Variants in ADARB2 observed in about 807,000 individuals in gnomAD.
ADARB2 encodes adenosine deaminase RNA specific B2 (inactive), also known as inactive double-stranded RNA-specific editase B2.
Under a neutral mutation model 62.2 loss-of-function variants are expected in ADARB2, and 25 were observed. The observed-to-expected ratio is 0.40, with a 90% CI of 0.29 to 0.56. The LOEUF is 0.56. Ranked by LOEUF, ADARB2 falls within the 20% of genes least tolerant of loss-of-function variation. The pLI is 0.43. For missense variants in ADARB2, 1,071 were observed against 1,077.4 expected (o/e 0.99, Z 0.08); for synonymous variants, 572 against 500.8 (o/e 1.14, Z -1.90).
At chr10:1,504,990 G>A (rs1831820255) in intron 1 of ADARB2, among the ~76,000 whole-genome samples, 1 of 150,542 alleles carries the variant, frequency 6.6e-6, no homozygotes, top group African/African-American at 2.5e-5. Flanking sequence ...CACATGCAAT[G>A]CACACACATG....
intron 1 of ADARB2, among the ~76,000 whole-genome samples, chr10:1,716,485 T>G (rs1465049549): frequency 1.3e-5 from 2 of 152,270 alleles, no homozygotes; most frequent in Non-Finnish European, 2.9e-5. Flanking sequence ...CATTTCCTAA[T>G]TTTATTGCAT....
rs190530205 is a variant in ADARB2, at chr10:1,624,105, G to A, written c.100+112946C>T. 5.9e-5 allele frequency among the ~76,000 whole-genome samples: 9 copies of A among 152,114 alleles called. No individual in the cohort carries two copies. The South Asian group carries it at 6.2e-4, about 11-fold the overall frequency. ...AAAAATTAGCCTGGCATGGTGGCAC[G>A]CACCTGTGGTCCCAGCTATTTGGGA... On this transcript the variant is annotated intron_variant, in intron 1 of 9. Transcript: ENST00000381312.
At chr10:1,421,979 C>G (rs543886914) in intron 1 of ADARB2, among the ~76,000 whole-genome samples, 1 of 152,318 alleles carries the variant, frequency 6.6e-6, no homozygotes, top group East Asian at 1.9e-4. Flanking sequence ...CCCCAGGTAC[C>G]TACTCTAGTG....
intron 1 of ADARB2, among the ~76,000 whole-genome samples, chr10:1,464,218 C>T (rs1263046413): frequency 2.3e-5 from 3 of 129,824 alleles, no homozygotes; most frequent in South Asian, 2.7e-4. Flanking sequence ...CCCACACACG[C>T]GCTGGGGACA....
intron 1 of ADARB2, among the ~76,000 whole-genome samples, chr10:1,382,098 C>T (rs1274029199): frequency 6.6e-6 from 1 of 152,080 alleles, no homozygotes; most frequent in Non-Finnish European, 1.5e-5. Flanking sequence ...CATTGTACAC[C>T]TTGAATATAT....
In ADARB2 at chr10:1,263,194, C is replaced by G. The variant is rs182219531; in HGVS notation, c.1192+7761G>C. Among the ~76,000 whole-genome samples the G allele has an allele frequency of 3.7e-4, 56 of 151,908 alleles. No individual in the cohort carries two copies. The East Asian group carries it at 0.01, about 28-fold the overall frequency. ...ATACCTAATGCTAAATGATGAGTTA[C>G]TGGGTGCAGCACACCAACATGGCAC... On this transcript the variant is annotated intron_variant, in intron 4 of 9. Coordinates refer to ENST00000381312, the MANE Select transcript of ADARB2 (RefSeq NM_018702.4).
intron 6 of ADARB2, among the ~76,000 whole-genome samples, chr10:1,228,997 C>T (rs1007254429): frequency 6.6e-6 from 1 of 152,198 alleles, no homozygotes; most frequent in African/African-American, 2.4e-5. Flanking sequence ...ATCAGAATCT[C>T]GGCCAGAGTG....
chr10:1,629,486 C>A (rs111477281), intron 1 of ADARB2, among the ~76,000 whole-genome samples: 2 of 150,432 alleles, frequency 1.3e-5, no homozygotes, highest in African/African-American at 2.5e-5. Context: ...CCCCGCCCTG[C>A]GCCCAACCTC....
intron 1 of ADARB2, among the ~76,000 whole-genome samples, chr10:1,601,467 G>A (rs1426924108): frequency 3.3e-5 from 5 of 152,184 alleles, no homozygotes; most frequent in Non-Finnish European, 7.4e-5. Flanking sequence ...CAATTTTCCT[G>A]TAACAACATG....
At chr10:1,617,946 C>G (rs986515420) in intron 1 of ADARB2, among the ~76,000 whole-genome samples, 10 of 152,258 alleles carry the variant, frequency 6.6e-5, no homozygotes, top group African/African-American at 2.4e-4. Flanking sequence ...TCCCCTCCAA[C>G]TACAGATTTC....
chr10:1,555,567 A>ACCCC (rs1832687738), intron 1 of ADARB2, among the ~76,000 whole-genome samples: 4 of 152,128 alleles, frequency 2.6e-5, no homozygotes, highest in Admixed American at 1.3e-4. Context: ...TGAAGGATGG[A>ACCCC]CCGGGGCTTC....
At chr10:1,664,666 C>T (rs575034165) in intron 1 of ADARB2, among the ~76,000 whole-genome samples, 6 of 152,278 alleles carry the variant, frequency 3.9e-5, no homozygotes, top group African/African-American at 1.4e-4. Context: ...GCACTAGCCT[C>T]CCTCAATTTC....
chr10:1,283,746 GCTCA>G, intron 3 of ADARB2, among the ~76,000 whole-genome samples: 1 of 152,200 alleles, frequency 6.6e-6, no homozygotes, highest in East Asian at 1.9e-4. Flanking sequence ...CCTTCATGTG[GCTCA>G]CTGGACTTGT....
intron 4 of ADARB2, among the ~76,000 whole-genome samples, chr10:1,261,377 TG>T (rs1162303302): frequency 6.8e-6 from 1 of 146,822 alleles, no homozygotes; most frequent in Non-Finnish European, 1.5e-5. Flanking sequence ...ACCTACAAAA[TG>T]GGAGAAAATT....
chr10:1,715,525 A>G (rs56033218), intron 1 of ADARB2, among the ~76,000 whole-genome samples: 1,819 of 152,322 alleles, frequency 0.012, 30 homozygotes, highest in African/African-American at 0.041. Flanking sequence ...AAATGTAGGA[A>G]AGCTTAAGTA....
At chr10:1,213,303 A>G (rs1837185729) in intron 7 of ADARB2, among the ~76,000 whole-genome samples, 1 of 152,144 alleles carries the variant, frequency 6.6e-6, no homozygotes, top group African/African-American at 2.4e-5. Flanking sequence ...AGACAGAGGG[A>G]GAGACATAGA....
intron 1 of ADARB2, among the ~76,000 whole-genome samples, chr10:1,723,000 A>G (rs1033754602): frequency 3.9e-5 from 6 of 152,224 alleles, no homozygotes; most frequent in Non-Finnish European, 8.8e-5. Flanking sequence ...CTATATTCAT[A>G]TTCATGTGTA....
At chr10:1,377,120 T>C (rs1244342867) in intron 2 of ADARB2, among the ~76,000 whole-genome samples, 1 of 130,042 alleles carries the variant, frequency 7.7e-6, no homozygotes, top group Non-Finnish European at 1.6e-5. Flanking sequence ...GATGTGTGTG[T>C]GCGGTGCGTC....
chr10:1,724,826 A>G (rs1835143498), intron 1 of ADARB2, among the ~76,000 whole-genome samples: 1 of 152,126 alleles, frequency 6.6e-6, no homozygotes, highest in Admixed American at 6.5e-5. Context: ...TGTCGTAGGG[A>G]GAATGTGGAC....
Sources: allele counts gnomAD v4.1 joint callset (sites outside exome capture counted in the v4.1 genomes callset), GRCh38; gene constraint gnomAD v4.1.1; transcripts MANE v1.5; gene names NCBI Gene and HGNC (gene_info 2026-07-23, HGNC 2026-07-21).